LUZP2: variants seen among roughly 807,000 people sequenced by gnomAD.
LUZP2 encodes leucine zipper protein 2.
LUZP2 carries 52 observed loss-of-function variants against 51.6 expected under a neutral mutation model. The observed-to-expected ratio is 1.01, with a 90% CI of 0.81 to 1.27. The LOEUF (loss-of-function observed/expected upper bound fraction) is 1.27. LUZP2 is among the 50% of genes most tolerant of loss of function. LUZP2 has a pLI of 0.00. For missense variants in LUZP2, 436 were observed against 395.4 expected (o/e 1.10, Z -0.87); for synonymous variants, 154 against 137.3 (o/e 1.12, Z -0.85).
intron 6 of LUZP2, among the ~76,000 whole-genome samples, chr11:24,906,323 CA>C (rs1853451675): frequency 6.7e-6 from 1 of 149,258 alleles, no homozygotes; most frequent in African/African-American, 2.5e-5. Context: ...TCTGGACTAT[CA>C]GAACTTCCTT....
At chr11:24,772,777 C>T (rs543021658) in intron 5 of LUZP2, among the ~76,000 whole-genome samples, 2 of 152,242 alleles carry the variant, frequency 1.3e-5, no homozygotes, top group South Asian at 2.1e-4. Flanking sequence ...CAATCCATGT[C>T]ACTCTTTGGC....
At chr11:24,857,312 T>TAC (rs34365598) in intron 5 of LUZP2, among the ~76,000 whole-genome samples, 2,467 of 133,180 alleles carry the variant, frequency 0.019, 69 homozygotes, top group African/African-American at 0.064. Flanking sequence ...TACATATATA[T>TAC]ACACACACAC....
intron 10 of LUZP2, among the ~76,000 whole-genome samples, chr11:25,055,585 GTGT>G (rs1858664831): frequency 1.3e-5 from 2 of 152,100 alleles, no homozygotes; most frequent in South Asian, 4.1e-4. Flanking sequence ...GGTAGTTGCA[GTGT>G]TGATTTTAAG....
intron 5 of LUZP2, among the ~76,000 whole-genome samples, chr11:24,900,355 T>A (rs1342585645): frequency 6.6e-6 from 1 of 152,178 alleles, no homozygotes; most frequent in East Asian, 1.9e-4. Flanking sequence ...TTGTTGGAAA[T>A]TGAATGTCTA....
At chr11:24,951,262 C>A (rs1855070943) in intron 7 of LUZP2, among the ~76,000 whole-genome samples, 1 of 151,470 alleles carries the variant, frequency 6.6e-6, no homozygotes, top group African/African-American at 2.4e-5. Context: ...TTCTCTTGCC[C>A]TCCTTGTTAA....
intron 1 of LUZP2, among the ~76,000 whole-genome samples, chr11:24,600,360 A>C (rs1853586020): frequency 6.6e-6 from 1 of 152,088 alleles, no homozygotes; most frequent in Admixed American, 6.6e-5. Context: ...GTTAGGAGAG[A>C]GAGCTTGATT....
At chr11:25,017,962 T>C (rs1342039103) in intron 9 of LUZP2, among the ~76,000 whole-genome samples, 3 of 152,174 alleles carry the variant, frequency 2.0e-5, no homozygotes, top group African/African-American at 7.2e-5. Flanking sequence ...CTTTCAGAGT[T>C]GTTTTGTAGT....
intron 10 of LUZP2, among the ~76,000 whole-genome samples, chr11:25,067,570 A>G (rs2134050180): frequency 6.6e-6 from 1 of 152,158 alleles, no homozygotes; most frequent in East Asian, 1.9e-4. Context: ...AAACATGTGA[A>G]AAATGCTCAT....
chr11:24,762,916 T>A (rs1480611398), intron 4 of LUZP2: 17 of 841,574 alleles, frequency 2.0e-5, no homozygotes, highest in Non-Finnish European at 2.4e-5. Context: ...AACTCTAGAA[T>A]CTATTTTTTC....
chr11:24,896,733 A>T (rs1490175051), intron 5 of LUZP2, among the ~76,000 whole-genome samples: 1 of 152,188 alleles, frequency 6.6e-6, no homozygotes, highest in Non-Finnish European at 1.5e-5. Context: ...CCGGCACGGG[A>T]TCCACTAGGG....
At chr11:24,768,489 C>T (rs971621017) in intron 5 of LUZP2, among the ~76,000 whole-genome samples, 7 of 152,138 alleles carry the variant, frequency 4.6e-5, no homozygotes, top group African/African-American at 7.2e-5. Context: ...ACTTCATGAA[C>T]ACTAGTATTT....
intron 5 of LUZP2, among the ~76,000 whole-genome samples, chr11:24,772,757 T>C (rs71478103): frequency 0.032 from 4,859 of 152,282 alleles, 106 homozygotes; most frequent in Non-Finnish European, 0.046. Flanking sequence ...TGGCTTCTAG[T>C]GTCTCCTGGC....
At chr11:24,561,828 A>AATAATAATAATAATG (rs148194595) in intron 1 of LUZP2, among the ~76,000 whole-genome samples, 23,402 of 150,916 alleles carry the variant, frequency 0.16, 2,297 homozygotes, top group Middle Eastern at 0.3. Context: ...TAATAATAAT[A>AATAATAATAATAATG]ATGATAATAA....
intron 4 of LUZP2, among the ~76,000 whole-genome samples, chr11:24,756,872 C>A (rs570825688): frequency 6.6e-6 from 1 of 152,308 alleles, no homozygotes; most frequent in East Asian, 1.9e-4. Flanking sequence ...GCCTATAGAA[C>A]TTCTGACCCA....
intron 5 of LUZP2, among the ~76,000 whole-genome samples, chr11:24,855,600 A>G (rs1851538919): frequency 6.6e-6 from 1 of 152,242 alleles, no homozygotes; most frequent in Non-Finnish European, 1.5e-5. Context: ...TTCTTCACAG[A>G]ATTAGAAAAT....
intron 1 of LUZP2, among the ~76,000 whole-genome samples, chr11:24,695,444 C>T (rs952206537): frequency 6.6e-6 from 1 of 151,988 alleles, no homozygotes; most frequent in Admixed American, 6.6e-5. Flanking sequence ...TTTACCTCAA[C>T]AATTGGTTAT....
At chr11:24,716,504 G>C (rs577598853) in intron 1 of LUZP2, among the ~76,000 whole-genome samples, 3 of 152,124 alleles carry the variant, frequency 2.0e-5, no homozygotes, top group African/African-American at 7.2e-5. Context: ...AGTCAAGAAG[G>C]GTTCCAAGAA....
intron 1 of LUZP2, among the ~76,000 whole-genome samples, chr11:24,719,014 G>A (rs958683057): frequency 5.3e-5 from 8 of 152,148 alleles, no homozygotes; most frequent in South Asian, 2.1e-4. Flanking sequence ...GTATATAAGA[G>A]GAAATAGAGG....
intron 1 of LUZP2, among the ~76,000 whole-genome samples, chr11:24,728,162 G>T (rs1455854241): frequency 6.6e-6 from 1 of 151,780 alleles, no homozygotes; most frequent in Admixed American, 6.6e-5. Context: ...TGAACTTGTC[G>T]ACCCATCTTT....
Sources: allele counts gnomAD v4.1 joint callset (sites outside exome capture counted in the v4.1 genomes callset), GRCh38; gene constraint gnomAD v4.1.1; transcripts MANE v1.5; gene names NCBI Gene and HGNC (gene_info 2026-07-23, HGNC 2026-07-21).